The following LMBRD1 variants were observed in gnomAD, a reference collection of about 807,000 sequenced individuals.
LMBRD1 encodes the protein lysosomal cobalamin transport escort protein LMBD1.
Under a neutral mutation model 74.8 loss-of-function variants are expected in LMBRD1, and 64 were observed. That is an observed-to-expected ratio of 0.86 (90% CI 0.70 to 1.05). LMBRD1 has a LOEUF of 1.05. Ranked by LOEUF, LMBRD1 falls within the 50% of genes least tolerant of loss-of-function variation. The probability of loss-of-function intolerance (pLI) is 0.00; values close to 1 mark genes in which losing one functional copy is unlikely to be tolerated. For synonymous variants in LMBRD1, 204 were observed against 216.3 expected, an observed-to-expected ratio of 0.94 and a Z score of 0.50; for missense variants, 652 against 645.9, an observed-to-expected ratio of 1.01 and a Z score of -0.10.
intron 14 of LMBRD1, among the ~76,000 whole-genome samples, chr6:69,690,179 A>C (rs770018526): frequency 9.2e-5 from 14 of 151,812 alleles, no homozygotes; most frequent in South Asian, 2.1e-4. Context: ...AGATTTTTGC[A>C]AGTCTATTTA....
At chr6:69,680,038 T>C (rs1017792304) in intron 14 of LMBRD1, among the ~76,000 whole-genome samples, 4 of 152,118 alleles carry the variant, frequency 2.6e-5, no homozygotes, top group African/African-American at 4.8e-5. Context: ...GCCCATTATT[T>C]TTCTGTCTCT....
At chr6:69,686,747 T>C (rs1765772590) in intron 14 of LMBRD1, among the ~76,000 whole-genome samples, 1 of 152,134 alleles carries the variant, frequency 6.6e-6, no homozygotes, top group African/African-American at 2.4e-5. Flanking sequence ...TGCAAAACGC[T>C]TCTGTCAACC....
intron 14 of LMBRD1, among the ~76,000 whole-genome samples, chr6:69,685,216 TG>T (rs1744436193): frequency 6.6e-6 from 1 of 151,874 alleles, no homozygotes; most frequent in African/African-American, 2.4e-5. Context: ...CTGATGAAAA[TG>T]GGAGGGGTAG....
At chr6:69,694,299 T>C (rs1369758920) in intron 14 of LMBRD1, among the ~76,000 whole-genome samples, 1 of 152,178 alleles carries the variant, frequency 6.6e-6, no homozygotes, top group Non-Finnish European at 1.5e-5. Context: ...CAGAATCTAT[T>C]TTAGACCTTC....
intron 6 of LMBRD1, among the ~76,000 whole-genome samples, chr6:69,739,038 T>C (rs867499310): frequency 2.0e-5 from 3 of 152,252 alleles, no homozygotes; most frequent in South Asian, 2.1e-4. Context: ...TTTTATCAAA[T>C]CAAAGACATT....
intron 5 of LMBRD1, among the ~76,000 whole-genome samples, chr6:69,744,245 C>A (rs1767169254): frequency 6.6e-6 from 1 of 152,056 alleles, no homozygotes; most frequent in Non-Finnish European, 1.5e-5. Context: ...ATACAGAACA[C>A]CTCAGCTTCC....
At chr6:69,705,124 G>C (rs1766224590) in intron 9 of LMBRD1, among the ~76,000 whole-genome samples, 1 of 151,936 alleles carries the variant, frequency 6.6e-6, no homozygotes, top group South Asian at 2.1e-4. Flanking sequence ...AAACTAAACA[G>C]GCATTTTGGA....
At chr6:69,705,423 T>G in intron 9 of LMBRD1, 2 of 1,261,588 alleles carry the variant, frequency 1.6e-6, no homozygotes, top group Admixed American at 3.4e-5. Context: ...TGCTTGCATT[T>G]TTGCTTTAAT....
At chr6:69,790,567 G>T in intron 1 of LMBRD1, 95 bp from the exon 2 acceptor site, 1 of 1,226,952 alleles carries the variant, frequency 8.2e-7, no homozygotes, top group Non-Finnish European at 1.2e-6. Flanking sequence ...AACCTTATGT[G>T]AAGTAAAGGT....
At chr6:69,705,668 A>T in intron 9 of LMBRD1, 2 of 883,496 alleles carry the variant, frequency 2.3e-6, no homozygotes, top group Non-Finnish European at 3.7e-6. Flanking sequence ...TATCATCATC[A>T]TCATCATCTT....
intron 1 of LMBRD1, among the ~76,000 whole-genome samples, chr6:69,795,131 A>G (rs530249113): frequency 6.6e-6 from 1 of 152,390 alleles, no homozygotes; most frequent in Non-Finnish European, 1.5e-5. Context: ...GAAGGCAACA[A>G]AAGAAACCAG....
chr6:69,758,051 C>A (rs973850441), intron 3 of LMBRD1, among the ~76,000 whole-genome samples: 1 of 152,034 alleles, frequency 6.6e-6, no homozygotes, highest in South Asian at 2.1e-4. Flanking sequence ...AAAAACTGTA[C>A]CAAAGAATAC....
At chr6:69,699,823 G>A (rs914823638) in intron 12 of LMBRD1, among the ~76,000 whole-genome samples, 3 of 151,654 alleles carry the variant, frequency 2.0e-5, no homozygotes, top group Non-Finnish European at 4.4e-5. Flanking sequence ...TTGTACTATT[G>A]TAGTACAGAC....
At chr6:69,756,246 C>T (rs1373962260) in intron 3 of LMBRD1, among the ~76,000 whole-genome samples, 1 of 151,894 alleles carries the variant, frequency 6.6e-6, no homozygotes, top group Admixed American at 6.6e-5. Flanking sequence ...ACCCGTAATC[C>T]CAGCTACTCA....
chr6:69,788,504 C>G (rs1562127420), intron 2 of LMBRD1, among the ~76,000 whole-genome samples: 1 of 151,948 alleles, frequency 6.6e-6, no homozygotes, highest in Non-Finnish European at 1.5e-5. Flanking sequence ...ATATACAGAG[C>G]CAAAAGAAAT....
chr6:69,778,335 G>T (rs1028735823), intron 3 of LMBRD1, among the ~76,000 whole-genome samples: 16 of 152,040 alleles, frequency 1.1e-4, no homozygotes, highest in Non-Finnish European at 1.0e-4. Flanking sequence ...TGATACTAAG[G>T]GCACATTATC....
At chr6:69,735,097 C>T (rs931345586) in intron 7 of LMBRD1, among the ~76,000 whole-genome samples, 8 of 152,146 alleles carry the variant, frequency 5.3e-5, no homozygotes, top group African/African-American at 1.9e-4. Flanking sequence ...TTTTATTTTA[C>T]AATAATTTGC....
intron 5 of LMBRD1, among the ~76,000 whole-genome samples, chr6:69,744,784 A>G (rs1479607598): frequency 6.6e-6 from 1 of 151,894 alleles, no homozygotes; most frequent in Admixed American, 6.6e-5. Flanking sequence ...TACTATTTAC[A>G]TACCACTTCT....
intron 3 of LMBRD1, among the ~76,000 whole-genome samples, chr6:69,771,470 T>C (rs549741372): frequency 1.3e-5 from 2 of 152,276 alleles, no homozygotes; most frequent in African/African-American, 4.8e-5. Context: ...CCCATCAGCA[T>C]CATTTTAGCC....
Sources: gnomAD v4.1 joint callset for allele counts (sites outside exome capture counted in the v4.1 genomes callset) on GRCh38, gnomAD v4.1.1 for gene constraint, MANE v1.5 for transcripts, NCBI Gene and HGNC (gene_info 2026-07-23, HGNC 2026-07-21) for gene names.